Variants in SRPK2 observed in about 807,000 individuals in gnomAD.
SRPK2 encodes SFRS protein kinase 2.
A neutral mutation model predicts 90.8 loss-of-function variants in SRPK2; 21 were observed. The observed-to-expected ratio is 0.23, with a 90% CI of 0.16 to 0.33. SRPK2 has a LOEUF of 0.33. Among genes scored for constraint, SRPK2 ranks in the 10% least tolerant of loss-of-function variants. The probability of loss-of-function intolerance (pLI) is 1.00; values close to 1 mark genes in which losing one functional copy is unlikely to be tolerated. For missense variants in SRPK2, 620 were observed against 869.0 expected, an observed-to-expected ratio of 0.71 and a Z score of 3.60; for synonymous variants, 288 against 311.1, an observed-to-expected ratio of 0.93 and a Z score of 0.78.
At chr7:105,394,055 A>T (rs1386065614), upstream of SRPK2, among the ~76,000 whole-genome samples, 1 of 151,992 alleles carries the variant, frequency 6.6e-6, no homozygotes. Context: ...TCCTGTCTCT[A>T]TAGGCTTGCC....
rs1809415174 is a variant in SRPK2 at position 105,293,823 on chromosome 7, G to T, written c.72-90038C>A. ...GTAACAAACCCAGAACTGGGCCCCA[G>T]ATCTTTCACTATAAGTCAATGCTTT... On this transcript the variant is annotated intron_variant, in intron 2 of 15. Transcript: ENST00000393651. Among the ~76,000 whole-genome samples, 4 of 152,258 alleles carry T rather than the reference G, an allele frequency of 2.6e-5. No homozygotes were observed. In the South Asian group the frequency reaches 8.3e-4, roughly 32 times the overall value.
chr7:105,291,062 A>AAG (rs1808944271), intron 2 of SRPK2, among the ~76,000 whole-genome samples: 2 of 150,296 alleles, frequency 1.3e-5, no homozygotes, highest in Non-Finnish European at 3.0e-5. Context: ...AAAAAAAAAA[A>AAG]AAAGAAATGA....
chr7:105,388,685 G>C lies in SRPK2; in HGVS notation c.34C>G (p.Arg12Gly), dbSNP rs1226407219. Residue 12 changes from arginine to glycine, a missense_variant, in exon 2 of 16, where the codon CGA (arginine) becomes GGA (glycine). By Grantham distance (125) the Arg-to-Gly change is moderately radical. This residue lies in a region of SRPK2 where 56 missense variants were observed against 49.6 expected (regional missense o/e 1.13). Transcript: ENST00000393651. ...TTCTCTCTTTTCGGCCTCCGCTTTC[G>C]GGCCTGAATGGCCAGCACTGGGGAA... ...SSRKVLAIQARKRRPKREKHP... is the reference protein window; with the variant it reads ...SSRKVLAIQAGKRRPKREKHP... 6.3e-7 allele frequency: 1 copy of C among 1,588,096 alleles called. No individual in the cohort carries two copies. Among genetic ancestry groups the C allele is most frequent in the East Asian group, 2.3e-5 (1 of 42,778 alleles).
intron 11 of SRPK2, among the ~76,000 whole-genome samples, chr7:105,135,857 T>C (rs983431057): frequency 1.3e-5 from 2 of 151,180 alleles, no homozygotes; most frequent in Non-Finnish European, 3.0e-5. Flanking sequence ...CTCCACCTCC[T>C]AGATTCAAGC....
chr7:105,260,609 A>G (rs1411667493), intron 2 of SRPK2, among the ~76,000 whole-genome samples: 1 of 152,216 alleles, frequency 6.6e-6, no homozygotes, highest in Non-Finnish European at 1.5e-5. Context: ...CACTATTCAC[A>G]ATAGCAAAGA....
At chr7:105,357,776 C>CA (rs80069695) in intron 2 of SRPK2, among the ~76,000 whole-genome samples, 41,802 of 151,294 alleles carry the variant, frequency 0.28, 6,254 homozygotes, top group Middle Eastern at 0.34. Context: ...CAAAACAAAA[C>CA]AAAAAAAAGA....
At chr7:105,298,668 T>C (rs1810158655) in intron 2 of SRPK2, 4 of 935,000 alleles carry the variant, frequency 4.3e-6, no homozygotes, top group East Asian at 2.3e-4. Flanking sequence ...TAGGATAGCA[T>C]GGCTCAGATT....
At chr7:105,272,014 C>A (rs1435783665) in intron 2 of SRPK2, among the ~76,000 whole-genome samples, 1 of 152,136 alleles carries the variant, frequency 6.6e-6, no homozygotes, top group Non-Finnish European at 1.5e-5. Flanking sequence ...GCATGTAAAT[C>A]TTAGAACCTT....
At chr7:105,240,576 TGGA>T (rs921224805) in intron 2 of SRPK2, among the ~76,000 whole-genome samples, 2 of 151,734 alleles carry the variant, frequency 1.3e-5, no homozygotes, top group South Asian at 4.2e-4. Context: ...TAGGGGGCAG[TGGA>T]GGAGGAGAAG....
intron 6 of SRPK2, among the ~76,000 whole-genome samples, chr7:105,164,250 T>C (rs1256610926): frequency 6.6e-6 from 1 of 152,204 alleles, no homozygotes. Context: ...TGATAACACC[T>C]GCTTATTATG....
intron 2 of SRPK2, among the ~76,000 whole-genome samples, chr7:105,366,357 A>G (rs2132351708): frequency 7.1e-6 from 1 of 141,708 alleles, no homozygotes; most frequent in East Asian, 2.1e-4. Flanking sequence ...ATTAGCATCT[A>G]CAGGTATGCC....
At chr7:105,175,185 T>C (rs1791682687) in intron 3 of SRPK2, among the ~76,000 whole-genome samples, 1 of 149,480 alleles carries the variant, frequency 6.7e-6, no homozygotes, top group Non-Finnish European at 1.5e-5. Context: ...TCACACAAAG[T>C]ATGTCCTCAG....
intron 3 of SRPK2, among the ~76,000 whole-genome samples, chr7:105,193,725 A>T (rs1250624352): frequency 6.6e-6 from 1 of 152,176 alleles, no homozygotes; most frequent in Non-Finnish European, 1.5e-5. Flanking sequence ...GTAAAAGCAC[A>T]TATTCTTCTG....
In SRPK2 at chr7:105,220,794, T is replaced by C. The variant is rs188549563; in HGVS notation, c.72-17009A>G. Among the ~76,000 whole-genome samples, 5 of 152,314 alleles carry C rather than the reference T, an allele frequency of 3.3e-5. No homozygotes were observed. The East Asian group carries it at 9.6e-4, about 29-fold the overall frequency. On this transcript the variant is annotated intron_variant, in intron 2 of 15. Transcript: ENST00000393651. ...GACATCCAGACCCCCAGCCCTGATT[T>C]GATGTCATCCCAGGATGTGTCTCAT...
chr7:105,318,222 G>A (rs373502688), intron 2 of SRPK2, among the ~76,000 whole-genome samples: 257 of 152,292 alleles, frequency 1.7e-3, no homozygotes, highest in African/African-American at 5.8e-3. Context: ...AGTCTCCAAA[G>A]TAGCTGGGAT....
intron 2 of SRPK2, among the ~76,000 whole-genome samples, chr7:105,249,867 A>G (rs1802242216): frequency 6.6e-6 from 1 of 152,258 alleles, no homozygotes; most frequent in Non-Finnish European, 1.5e-5. Context: ...AAAAAATAGT[A>G]ATTCTCAAAT....
chr7:105,328,953 G>T (rs931147783), intron 2 of SRPK2, among the ~76,000 whole-genome samples: 1 of 152,054 alleles, frequency 6.6e-6, no homozygotes, highest in South Asian at 2.1e-4. Flanking sequence ...GGCTGACGTG[G>T]GAGGATCACC....
At chr7:105,268,786 T>C in intron 2 of SRPK2, 1 of 1,590,216 alleles carries the variant, frequency 6.3e-7, no homozygotes, top group Non-Finnish European at 8.6e-7. Flanking sequence ...TAATTGTTCA[T>C]GCAAGAGATG....
rs189932558 is a variant in SRPK2, at chr7:105,241,934, A to G, written c.72-38149T>C. On this transcript the variant is annotated intron_variant, in intron 2 of 15. Coordinates refer to ENST00000393651, the MANE Select transcript of SRPK2 (RefSeq NM_182692.3). Reference sequence around the variant, plus strand: ...AGGAGGAAATGTTCCCACCAAGAAAAGGTCATTGGGGCCACTTTTACAGTC... The same window carrying G: ...AGGAGGAAATGTTCCCACCAAGAAAGGGTCATTGGGGCCACTTTTACAGTC... Among the ~76,000 whole-genome samples, 564 of 152,176 alleles carry G rather than the reference A, an allele frequency of 3.7e-3. 3 individuals are homozygous for G. Among genetic ancestry groups the G allele is most frequent in the Admixed American group, 6.9e-3 (106 of 15,282 alleles).
Sources: gnomAD v4.1 joint callset for allele counts (sites outside exome capture counted in the v4.1 genomes callset) on GRCh38, gnomAD v4.1.1 for gene constraint, gnomAD v4.1.1 regional missense constraint, MANE v1.5 for transcripts, NCBI Gene and HGNC (gene_info 2026-07-23, HGNC 2026-07-21) for gene names.